Variants in TRPS1 observed in about 807,000 individuals in gnomAD.
TRPS1 encodes the protein zinc finger transcription factor Trps1.
In TRPS1, 6 loss-of-function variants were observed where a neutral mutation model predicts 101.2. That is an observed-to-expected ratio of 0.06 (90% confidence interval 0.03 to 0.12). The LOEUF (loss-of-function observed/expected upper bound fraction) is 0.12, where lower values mean the gene tolerates loss of function less well. Ranked by LOEUF, TRPS1 falls within the 10% of genes least tolerant of loss-of-function variation. The pLI is 1.00. For synonymous variants in TRPS1, 578 were observed against 589.8 expected, an observed-to-expected ratio of 0.98 and a Z score of 0.29; for missense variants, 1,363 against 1,567.0, an observed-to-expected ratio of 0.87 and a Z score of 2.20.
Position 115,414,279 on chromosome 8 carries a change from A to C in TRPS1, c.3629T>G (p.Leu1210Trp), listed in dbSNP as rs2129746217. ...AACTTTCTCTGTTTTTACTACATTCAAGGGACCTTCATTTTTTACATTTGG... is the reference window on the plus strand; with the variant it reads ...AACTTTCTCTGTTTTTACTACATTCCAGGGACCTTCATTTTTTACATTTGG... ...APPNVKNEGP[L>W]NVVKTEKVDR... The change falls in exon 7 of 7, where the codon TTG (leucine) becomes TGG (tryptophan). Residue 1210 changes from leucine to tryptophan, a missense_variant. Leu to Trp is a moderately conservative substitution (Grantham distance 61, BLOSUM62 -2). This residue lies in a region of TRPS1 where 307 missense variants were observed against 392.4 expected (regional missense o/e 0.78). Transcript: ENST00000395715. The surrounding 1 kb of genome is among the most constrained non-coding windows in gnomAD (Gnocchi z 4.8). 2 of 1,613,928 alleles carry C rather than the reference A, an allele frequency of 1.2e-6. No homozygotes were observed.
intron 5 of TRPS1, among the ~76,000 whole-genome samples, chr8:115,523,828 C>A (rs543921754): frequency 6.6e-6 from 1 of 152,084 alleles, no homozygotes; most frequent in Admixed American, 6.6e-5. Flanking sequence ...AGGATTGTTA[C>A]TCAAATGAAG....
chr8:115,469,852 C>T (rs891802146), intron 5 of TRPS1, among the ~76,000 whole-genome samples: 1 of 152,044 alleles, frequency 6.6e-6, no homozygotes, highest in African/African-American at 2.4e-5. Flanking sequence ...TAAAACCAAC[C>T]ACTATGCCAT....
At chr8:115,455,526 A>G (rs1279685293) in intron 5 of TRPS1, among the ~76,000 whole-genome samples, 1 of 152,180 alleles carries the variant, frequency 6.6e-6, no homozygotes, top group East Asian at 1.9e-4. Flanking sequence ...CACTGAGTCC[A>G]CTGGACTCAC....
At chr8:115,530,933 G>T (rs1816113551) in intron 5 of TRPS1, among the ~76,000 whole-genome samples, 1 of 152,068 alleles carries the variant, frequency 6.6e-6, no homozygotes, top group African/African-American at 2.4e-5. Context: ...CCTGTCATGG[G>T]GTGGGGGAAG....
chr8:115,483,032 T>C (rs1814793145), intron 5 of TRPS1, among the ~76,000 whole-genome samples: 1 of 152,228 alleles, frequency 6.6e-6, no homozygotes, highest in African/African-American at 2.4e-5. Context: ...TCATTCCATA[T>C]AAGTAGGTCT....
chr8:115,665,275 A>T (rs1035863149), intron 1 of TRPS1, among the ~76,000 whole-genome samples: 1 of 152,192 alleles, frequency 6.6e-6, no homozygotes, highest in Non-Finnish European at 1.5e-5. Context: ...ACAAGCGTTT[A>T]TAAAAATCTA....
rs56410624 is a variant in TRPS1 at position 115,636,936 on chromosome 8, CAA to C, written c.-121-13180_-121-13179del. Among the ~76,000 whole-genome samples, 4 of 147,120 alleles carry C rather than the reference CAA, an allele frequency of 2.7e-5. No individual in the cohort carries two copies. In the East Asian group the frequency reaches 8.0e-4, roughly 30 times the overall value. ...AAAAAACAAAACAAAACAAAAAAAG[CAA>C]AAAAAAAACACACACAAAAAAGTAA... On this transcript the variant is annotated intron_variant, in intron 1 of 6. Coordinates refer to ENST00000395715, the MANE Select transcript of TRPS1 (RefSeq NM_014112.5).
rs1813698093 is a variant in TRPS1, at chr8:115,445,008, T to C, written c.2701-26556A>G. 2.6e-5 allele frequency among the ~76,000 whole-genome samples: 4 copies of C among 152,350 alleles called. No individual in the cohort carries two copies. In the South Asian group the frequency reaches 8.3e-4, roughly 32 times the overall value. Reference sequence around the variant, plus strand: ...TAACTTTCATCTTTTCACAACTCAGTGGATAAATTCCAAAATCCTTTGTGC... The same window carrying C: ...TAACTTTCATCTTTTCACAACTCAGCGGATAAATTCCAAAATCCTTTGTGC... On this transcript the variant is annotated intron_variant, in intron 5 of 6. Transcript: ENST00000395715.
At chr8:115,465,541 G>T (rs936621425) in intron 5 of TRPS1, among the ~76,000 whole-genome samples, 2 of 151,946 alleles carry the variant, frequency 1.3e-5, no homozygotes, top group Non-Finnish European at 2.9e-5. Flanking sequence ...TCTTATGTAC[G>T]TTCATTGACC....
Position 115,575,415 on chromosome 8 carries a change from G to A in TRPS1, c.2700+11586C>T, listed in dbSNP as rs180737173. Among the ~76,000 whole-genome samples, 5 of 152,238 alleles carry A rather than the reference G, an allele frequency of 3.3e-5. No individual in the cohort carries two copies. The East Asian group carries it at 9.6e-4, about 29-fold the overall frequency. ...CATGTCTATGTGTGTGAGTGAGCAT[G>A]TCTGAGTGTGCATGTGCCTGTGTGT... On this transcript the variant is annotated intron_variant, in intron 5 of 6. Coordinates refer to ENST00000395715, the MANE Select transcript of TRPS1 (RefSeq NM_014112.5).
Position 115,587,477 on chromosome 8 carries a change from C to T in TRPS1, c.2224G>A (p.Asp742Asn). 1 of 1,614,156 alleles carries T rather than the reference C, an allele frequency of 6.2e-7. No individual in the cohort carries two copies. The highest frequency in any genetic ancestry group is 8.5e-7 in the Non-Finnish European group (1 of 1,180,022). ...QDITTANGEEDGHAISTIKEE... is the reference protein window; with the variant it reads ...QDITTANGEENGHAISTIKEE... ...TTGATGGTGGATATGGCATGACCGT[C>T]CTCTTCGCCGTTGGCTGTAGTGATG... is the stretch of plus-strand genomic sequence containing the variant. Residue 742 changes from aspartate (D) to asparagine (N), a missense_variant, in exon 5 of 7, where the codon GAC (aspartate) becomes AAC (asparagine). Around this residue, in one of 5 missense-constraint regions of TRPS1, gnomAD observed 1,020 missense variants for 1,073.0 expected, o/e 0.95. Transcript: ENST00000395715.
At chr8:115,542,812 A>G (rs566506430) in intron 5 of TRPS1, among the ~76,000 whole-genome samples, 1 of 152,292 alleles carries the variant, frequency 6.6e-6, no homozygotes, top group South Asian at 2.1e-4. Context: ...AATGCTAACT[A>G]TTATTATTAT....
chr8:115,441,219 T>A (rs1813585279), intron 5 of TRPS1, among the ~76,000 whole-genome samples: 1 of 152,222 alleles, frequency 6.6e-6, no homozygotes, highest in Non-Finnish European at 1.5e-5. Context: ...TTCACTAAGG[T>A]GGACTATTTA....
intron 5 of TRPS1, among the ~76,000 whole-genome samples, chr8:115,425,240 T>TGTACA (rs1563722334): frequency 1.3e-5 from 2 of 152,094 alleles, no homozygotes; most frequent in African/African-American, 4.8e-5. Flanking sequence ...TGGGCTGTAC[T>TGTACA]GCATGTCTTT....
At chr8:115,592,985 A>C (rs906095299) in intron 4 of TRPS1, among the ~76,000 whole-genome samples, 1 of 151,750 alleles carries the variant, frequency 6.6e-6, no homozygotes, top group Non-Finnish European at 1.5e-5. Flanking sequence ...TTCCCAAATA[A>C]ATTTTTTTTT....
intron 5 of TRPS1, among the ~76,000 whole-genome samples, chr8:115,489,552 C>T (rs1814969693): frequency 1.3e-5 from 2 of 152,024 alleles, no homozygotes; most frequent in Admixed American, 1.3e-4. Flanking sequence ...AAAGAGTGTA[C>T]ATTTTGTTTT....
At chr8:115,646,284 T>C (rs1819023333) in intron 1 of TRPS1, among the ~76,000 whole-genome samples, 1 of 152,134 alleles carries the variant, frequency 6.6e-6, no homozygotes, top group African/African-American at 2.4e-5. Flanking sequence ...AGAGAAATTA[T>C]AGAATTACTT....
At chr8:115,465,959 T>C (rs1814307925) in intron 5 of TRPS1, among the ~76,000 whole-genome samples, 1 of 152,162 alleles carries the variant, frequency 6.6e-6, no homozygotes, top group Admixed American at 6.6e-5. Flanking sequence ...CTTGTCAATC[T>C]AGATCATGAA....
intron 5 of TRPS1, among the ~76,000 whole-genome samples, chr8:115,518,985 A>G (rs990932636): frequency 2.6e-5 from 4 of 151,884 alleles, no homozygotes; most frequent in Middle Eastern, 6.8e-3. Flanking sequence ...ATTTTCCTAA[A>G]GGGTAGGGAC....
Sources: allele counts gnomAD v4.1 joint callset (sites outside exome capture counted in the v4.1 genomes callset), GRCh38; gene constraint gnomAD v4.1.1; regional missense constraint gnomAD v4.1.1; non-coding constraint Gnocchi (gnomAD v3.1); transcripts MANE v1.5; gene names NCBI Gene and HGNC (gene_info 2026-07-23, HGNC 2026-07-21).